CD96: variants seen among roughly 807,000 people sequenced by gnomAD.
CD96 encodes the protein T-cell surface protein tactile.
CD96 carries 70 observed loss-of-function variants against 71.3 expected under a neutral mutation model. The ratio of observed to expected loss-of-function variants is 0.98; its 90% CI spans 0.81 to 1.20. The LOEUF (loss-of-function observed/expected upper bound fraction) is 1.20, where lower values mean the gene tolerates loss of function less well. Among genes scored for constraint, CD96 ranks in the 50% most tolerant of loss-of-function variants. The probability of loss-of-function intolerance (pLI) is 0.00; values close to 1 mark genes in which losing one functional copy is unlikely to be tolerated. For missense variants in CD96, 742 were observed against 677.5 expected, an observed-to-expected ratio of 1.10 and a Z score of -1.06; for synonymous variants, 248 against 233.0, an observed-to-expected ratio of 1.06 and a Z score of -0.59.
chr3:111,546,034 A>G (rs1466028962), intron 2 of CD96, among the ~76,000 whole-genome samples: 1 of 152,144 alleles, frequency 6.6e-6, no homozygotes, highest in Non-Finnish European at 1.5e-5. Context: ...TCATGTGAAA[A>G]TGAGGTGAAG....
chr3:111,550,494 G>A (rs1045196920), intron 2 of CD96, among the ~76,000 whole-genome samples: 1 of 151,972 alleles, frequency 6.6e-6, no homozygotes, highest in Non-Finnish European at 1.5e-5. Context: ...AAAAAGGGTA[G>A]TTAAATACAC....
intron 8 of CD96, among the ~76,000 whole-genome samples, chr3:111,608,385 A>G (rs534383296): frequency 1.1e-4 from 17 of 152,318 alleles, no homozygotes; most frequent in African/African-American, 3.8e-4. Context: ...TCTTATACTC[A>G]AGGGGATGAG....
intron 3 of CD96, among the ~76,000 whole-genome samples, 197 bp from the exon 4 acceptor site, chr3:111,578,830 A>T (rs1936338583): frequency 6.6e-6 from 1 of 152,310 alleles, no homozygotes; most frequent in Admixed American, 6.5e-5. Flanking sequence ...ATTTGTTAGG[A>T]GAGGGTAACA....
At chr3:111,556,577 T>G (rs60070180) in intron 2 of CD96, among the ~76,000 whole-genome samples, 84 of 135,150 alleles carry the variant, frequency 6.2e-4, no homozygotes, top group African/African-American at 2.1e-3. Context: ...GTGTATATGT[T>G]CCACATTTTC....
At chr3:111,647,716 A>C in intron 13 of CD96, 50 bp downstream of exon 13, 1 of 1,333,438 alleles carries the variant, frequency 7.5e-7, no homozygotes, top group South Asian at 1.2e-5. Flanking sequence ...TTCATTATAA[A>C]ATATTCATCA....
chr3:111,618,421 A>G (rs1002847433), intron 8 of CD96, among the ~76,000 whole-genome samples: 3 of 152,214 alleles, frequency 2.0e-5, no homozygotes, highest in Admixed American at 6.5e-5. Flanking sequence ...GTGAAAGTGC[A>G]TAAAAAACAA....
chr3:111,579,470 T>C, intron 4 of CD96: 1 of 585,902 alleles, frequency 1.7e-6, no homozygotes, highest in South Asian at 1.8e-5. Context: ...TTTTCTGTAT[T>C]GGTCAGTTTT....
intron 8 of CD96, among the ~76,000 whole-genome samples, chr3:111,608,842 A>G (rs1161630710): frequency 6.6e-6 from 1 of 152,256 alleles, no homozygotes; most frequent in East Asian, 1.9e-4. Context: ...TGCTAAAGAA[A>G]AAAGATAAAA....
chr3:111,558,902 T>A (rs1012033214), intron 2 of CD96, among the ~76,000 whole-genome samples: 3 of 152,088 alleles, frequency 2.0e-5, no homozygotes, highest in Non-Finnish European at 4.4e-5. Flanking sequence ...ATTGGTCTAT[T>A]CAGAGATGCA....
At chr3:111,572,594 A>G (rs1047033219) in intron 3 of CD96, among the ~76,000 whole-genome samples, 2 of 152,184 alleles carry the variant, frequency 1.3e-5, no homozygotes, top group Admixed American at 1.3e-4. Context: ...AGATTACAAC[A>G]TAGAAATGAT....
chr3:111,616,346 A>G (rs1938236286), intron 8 of CD96, among the ~76,000 whole-genome samples: 1 of 152,216 alleles, frequency 6.6e-6, no homozygotes, highest in African/African-American at 2.4e-5. Flanking sequence ...GCTTTAGGGA[A>G]TGCAGAGGAT....
intron 8 of CD96, among the ~76,000 whole-genome samples, chr3:111,618,977 T>G (rs1938387750): frequency 6.6e-6 from 1 of 152,220 alleles, no homozygotes; most frequent in Non-Finnish European, 1.5e-5. Context: ...CATATTAAAT[T>G]ATTTTTAAAA....
intron 10 of CD96, 115 bp from the exon 11 acceptor site, chr3:111,637,081 T>G: frequency 1.4e-6 from 1 of 710,964 alleles, no homozygotes; most frequent in Non-Finnish European, 2.6e-6. Context: ...GTTTAATGAT[T>G]TTGCTTTATG....
At chr3:111,545,484 A>G (rs1173367278) in intron 2 of CD96, 82 bp downstream of exon 2, 1 of 944,300 alleles carries the variant, frequency 1.1e-6, no homozygotes, top group African/African-American at 1.6e-5. Context: ...AAGCAAGGTT[A>G]GGCTTGGTGC....
chr3:111,563,753 AATTATAT>A (rs1362037403), intron 2 of CD96, among the ~76,000 whole-genome samples: 1 of 152,154 alleles, frequency 6.6e-6, no homozygotes, highest in Non-Finnish European at 1.5e-5. Flanking sequence ...TTGTTGTAAC[AATTATAT>A]ATTCTTAGTG....
intron 5 of CD96, among the ~76,000 whole-genome samples, chr3:111,597,679 G>A (rs908647536): frequency 6.6e-6 from 1 of 152,138 alleles, no homozygotes; most frequent in Non-Finnish European, 1.5e-5. Flanking sequence ...AAATAGTGTC[G>A]TACATTATTT....
At chr3:111,545,424 A>G in intron 2 of CD96, 22 bp downstream of exon 2, 1 of 1,378,810 alleles carries the variant, frequency 7.3e-7, no homozygotes, top group Non-Finnish European at 1.0e-6. Flanking sequence ...TGGTAGAGGG[A>G]TGTGCTTTCA....
chr3:111,656,054 AAAT>A (rs1405549493), downstream of CD96, among the ~76,000 whole-genome samples: 16 of 152,196 alleles, frequency 1.1e-4, no homozygotes, highest in Admixed American at 9.8e-4. Context: ...GTCAAAGGAC[AAAT>A]AATAAAGTAA....
chr3:111,576,159 G>A (rs1021348876), intron 3 of CD96, among the ~76,000 whole-genome samples: 4 of 152,132 alleles, frequency 2.6e-5, no homozygotes, highest in African/African-American at 9.7e-5. Context: ...GTCTACCAAG[G>A]TGTGAATCCA....
Sources: gnomAD v4.1 joint callset for allele counts (sites outside exome capture counted in the v4.1 genomes callset) on GRCh38, gnomAD v4.1.1 for gene constraint, MANE v1.5 for transcripts, NCBI Gene and HGNC (gene_info 2026-07-23, HGNC 2026-07-21) for gene names.